SRGAP3: variants seen among roughly 807,000 people sequenced by gnomAD.
The protein encoded by SRGAP3 is SLIT-ROBO Rho GTPase activating protein 3.
Under a neutral mutation model 121.1 loss-of-function variants are expected in SRGAP3, and 39 were observed. The observed-to-expected ratio is 0.32, with a 90% confidence interval of 0.25 to 0.42. The LOEUF (loss-of-function observed/expected upper bound fraction) is 0.42. Among genes scored for constraint, SRGAP3 ranks in the 10% least tolerant of loss-of-function variants. SRGAP3 has a pLI of 1.00. For missense variants in SRGAP3, 1,213 were observed against 1,470.6 expected (o/e 0.82, Z 2.86); for synonymous variants, 601 against 570.0 (o/e 1.05, Z -0.77).
intron 3 of SRGAP3, among the ~76,000 whole-genome samples, chr3:9,313,177 G>A (rs6767077): frequency 0.022 from 3,407 of 152,000 alleles, 102 homozygotes; most frequent in African/African-American, 0.072. Flanking sequence ...CTAAGCCCCC[G>A]CCTAAGAGCC....
At chr3:9,219,433 G>C (rs1952733057) in intron 1 of SRGAP3, 1 of 152,136 alleles carries the variant, frequency 6.6e-6, no homozygotes, top group Admixed American at 6.5e-5. Flanking sequence ...CATGTGGCAG[G>C]AACAGGCACA....
chr3:9,350,176 T>C (rs1227087818), intron 1 of SRGAP3: 1 of 152,246 alleles, frequency 6.6e-6, no homozygotes, highest in Non-Finnish European at 1.5e-5. Flanking sequence ...CTGTCCTAAG[T>C]GCTTTACGTG....
At chr3:9,106,091 TAA>T (rs915448601) in intron 2 of SRGAP3, among the ~76,000 whole-genome samples, 10 of 152,208 alleles carry the variant, frequency 6.6e-5, no homozygotes, top group African/African-American at 2.4e-4. Flanking sequence ...CTCAAAATTA[TAA>T]GTCAACCCAT....
At chr3:9,036,736 T>G (rs1056829794) in intron 11 of SRGAP3, 3 of 152,302 alleles carry the variant, frequency 2.0e-5, no homozygotes, top group South Asian at 2.1e-4. Flanking sequence ...GACAGCTCAA[T>G]TCATCCCCCA....
At chr3:9,151,540 T>G (rs1042057111) in intron 1 of SRGAP3, among the ~76,000 whole-genome samples, 1 of 151,974 alleles carries the variant, frequency 6.6e-6, no homozygotes, top group African/African-American at 2.4e-5. Flanking sequence ...AAGGAGAGAA[T>G]GAAGCCAAGA....
At chr3:9,270,579 A>G (rs1045794295) in intron 3 of SRGAP3, among the ~76,000 whole-genome samples, 13 of 152,210 alleles carry the variant, frequency 8.5e-5, no homozygotes, top group Non-Finnish European at 1.8e-4. Context: ...ATTTAAAAAA[A>G]CTCACTGTGA....
rs552911045 is a variant in SRGAP3 at position 9,027,528 on chromosome 3, CA to C, written c.1540-534del. 1.9e-3 allele frequency among the ~76,000 whole-genome samples: 295 copies of C among 152,332 alleles called. 1 individual carries two copies. Among genetic ancestry groups the C allele is most frequent in the African/African-American group, 6.8e-3 (284 of 41,584 alleles). ...TTCTACTCATGAAGTCACAAGTAAA[CA>C]CCCAGATGCATACTGCATTTAACAG... On this transcript the variant is annotated intron_variant, in intron 12 of 21. Transcript: ENST00000383836.
intron 12 of SRGAP3, 103 bp downstream of exon 12, chr3:9,032,547 G>C: frequency 9.5e-7 from 1 of 1,056,176 alleles, no homozygotes; most frequent in Non-Finnish European, 1.5e-6. Context: ...AGCTCCACAG[G>C]GCCTGGCCAA....
intron 3 of SRGAP3, among the ~76,000 whole-genome samples, chr3:9,306,143 C>T (rs61701680): frequency 0.048 from 7,271 of 152,284 alleles, 240 homozygotes; most frequent in East Asian, 0.097. Context: ...TGGTTTTGAT[C>T]TGCATTTCTC....
intron 1 of SRGAP3, among the ~76,000 whole-genome samples, chr3:9,333,681 T>C (rs1955645037): frequency 6.6e-6 from 1 of 152,176 alleles, no homozygotes; most frequent in Non-Finnish European, 1.5e-5. Flanking sequence ...TTTCTTTCTT[T>C]CTCCCAGTCT....
intron 1 of SRGAP3, among the ~76,000 whole-genome samples, chr3:9,195,983 C>T (rs1261375169): frequency 6.6e-6 from 1 of 151,976 alleles, no homozygotes; most frequent in East Asian, 1.9e-4. Context: ...AAGAAAAGAA[C>T]CCAATCGAAA....
intron 1 of SRGAP3, among the ~76,000 whole-genome samples, chr3:9,199,656 G>T (rs1952014347): frequency 6.6e-6 from 1 of 152,176 alleles, no homozygotes; most frequent in Non-Finnish European, 1.5e-5. Flanking sequence ...TCGAGAGCAT[G>T]GGATTTAAAG....
chr3:9,302,468 G>A (rs946397093), intron 3 of SRGAP3, among the ~76,000 whole-genome samples: 11 of 152,192 alleles, frequency 7.2e-5, no homozygotes, highest in African/African-American at 2.7e-4. Flanking sequence ...TGCAAGGAAG[G>A]GGCTCAGGTG....
At chr3:9,328,124 T>C (rs992585465) in intron 2 of SRGAP3, among the ~76,000 whole-genome samples, 14 of 152,240 alleles carry the variant, frequency 9.2e-5, no homozygotes, top group African/African-American at 3.4e-4. Context: ...TCAATAATCT[T>C]TAAAGCTGTT....
At chr3:9,253,702 C>G (rs1277233421), upstream of SRGAP3, among the ~76,000 whole-genome samples, 1 of 152,192 alleles carries the variant, frequency 6.6e-6, no homozygotes, top group African/African-American at 2.4e-5. Flanking sequence ...ACAAGCAGAA[C>G]TCAGCTAGTT....
At chr3:9,340,153 C>A (rs1162721110) in intron 1 of SRGAP3, among the ~76,000 whole-genome samples, 1 of 152,162 alleles carries the variant, frequency 6.6e-6, no homozygotes, top group African/African-American at 2.4e-5. Context: ...ATTCTGCCAG[C>A]ACTTTCAGGT....
chr3:9,257,698 CT>C (rs386395913), intron 3 of SRGAP3, among the ~76,000 whole-genome samples: 2,202 of 72,536 alleles, frequency 0.03, 7 homozygotes, highest in Non-Finnish European at 0.039. Flanking sequence ...AAAATAGCTC[CT>C]TTTTTTTTTT....
At chr3:9,308,436 A>G (rs1487370098) in intron 3 of SRGAP3, among the ~76,000 whole-genome samples, 2 of 152,198 alleles carry the variant, frequency 1.3e-5, no homozygotes, top group African/African-American at 4.8e-5. Context: ...AAGGACAATA[A>G]AGAGCTAGAA....
At chr3:9,166,442 T>C (rs1222403466) in intron 1 of SRGAP3, among the ~76,000 whole-genome samples, 3 of 152,116 alleles carry the variant, frequency 2.0e-5, no homozygotes, top group Non-Finnish European at 4.4e-5. Context: ...AGGAAAAAAA[T>C]TTCCCAGCTT....
Sources: allele counts gnomAD v4.1 joint callset (sites outside exome capture counted in the v4.1 genomes callset), GRCh38; gene constraint gnomAD v4.1.1; transcripts MANE v1.5; gene names NCBI Gene and HGNC (gene_info 2026-07-23, HGNC 2026-07-21).